The following IL1RAPL1 variants were observed in gnomAD, a reference collection of about 807,000 sequenced individuals.
The protein encoded by IL1RAPL1 is interleukin-1 receptor accessory protein-like 1.
A neutral mutation model predicts 48.4 loss-of-function variants in IL1RAPL1; 3 were observed. That is an observed-to-expected ratio of 0.06 (90% confidence interval 0.03 to 0.16). IL1RAPL1 has a LOEUF of 0.16. Among genes scored for constraint, IL1RAPL1 ranks in the 10% least tolerant of loss-of-function variants. IL1RAPL1 has a pLI of 1.00. For missense variants in IL1RAPL1, 349 were observed against 530.6 expected (o/e 0.66, Z 3.36); for synonymous variants, 185 against 187.7 (o/e 0.99, Z 0.12).
At chrX:28,784,509 T>G (rs1286226000) in intron 1 of IL1RAPL1, among the ~76,000 whole-genome samples, 1 of 111,561 alleles carries the variant, frequency 9.0e-6, no homozygotes, top group East Asian at 2.8e-4. Flanking sequence ...TATTTAAGGC[T>G]TATGAAACTT....
At chrX:29,046,005 C>T (rs1360397036) in intron 2 of IL1RAPL1, among the ~76,000 whole-genome samples, 4 of 84,781 alleles carry the variant, frequency 4.7e-5, no homozygotes, top group Non-Finnish European at 8.6e-5. Flanking sequence ...CCTTCTTCTT[C>T]TTGCTTCTTT....
intron 2 of IL1RAPL1, among the ~76,000 whole-genome samples, chrX:29,122,550 G>A (rs1351633564): frequency 9.5e-6 from 1 of 105,621 alleles, no homozygotes; most frequent in Non-Finnish European, 1.9e-5. Context: ...AGCCTAAAGG[G>A]AAACATTTGT....
intron 6 of IL1RAPL1, among the ~76,000 whole-genome samples, chrX:29,867,357 G>A (rs947159917): frequency 9.0e-6 from 1 of 111,292 alleles, no homozygotes; most frequent in African/African-American, 3.3e-5. Flanking sequence ...ATTAAGAAAC[G>A]GGGCCTTTTG....
intron 5 of IL1RAPL1, among the ~76,000 whole-genome samples, chrX:29,667,523 T>C (rs761982177): frequency 8.9e-6 from 1 of 111,959 alleles, no homozygotes; most frequent in Admixed American, 9.5e-5. Flanking sequence ...AGAGTAGAAA[T>C]TTCGGTGACA....
At chrX:29,772,473 G>A (rs1364896793) in intron 6 of IL1RAPL1, among the ~76,000 whole-genome samples, 1 of 110,799 alleles carries the variant, frequency 9.0e-6, no homozygotes, top group African/African-American at 3.3e-5. Context: ...TGTGTGCGTG[G>A]CAAGATTTGC....
chrX:29,303,885 C>T (rs7063381), intron 3 of IL1RAPL1, among the ~76,000 whole-genome samples: 14,829 of 111,476 alleles, frequency 0.13, 1,164 homozygotes, highest in East Asian at 0.27. Flanking sequence ...AAAAAAGCTG[C>T]CTTTGTTAAA....
intron 6 of IL1RAPL1, among the ~76,000 whole-genome samples, chrX:29,760,772 A>G (rs1928733947): frequency 9.0e-6 from 1 of 111,499 alleles, no homozygotes; most frequent in Non-Finnish European, 1.9e-5. Flanking sequence ...TTCCTGCTAC[A>G]CTTGTCTTAA....
chrX:29,728,892 T>C (rs1190098101), intron 6 of IL1RAPL1, among the ~76,000 whole-genome samples: 1 of 111,593 alleles, frequency 9.0e-6, no homozygotes, highest in Non-Finnish European at 1.9e-5. Flanking sequence ...CTGGAATACC[T>C]TGAGGCTGGT....
rs752527354 is a variant in IL1RAPL1 at position 29,745,431 on chromosome X, GTTTTTTTTTT to G, written c.778+76947_778+76956del. Among the ~76,000 whole-genome samples the G allele has an allele frequency of 3.8e-3, 95 of 24,740 alleles. 1 individual carries two copies. Among genetic ancestry groups the G allele is most frequent in the African/African-American group, 0.016 (90 of 5,574 alleles). 21.5% of individuals were successfully genotyped at this position (24,740 alleles called of 115,157 possible). A position where few individuals can be genotyped will look rare whatever the true frequency, so the allele number is the denominator to read the frequency against. ...TCTCTTTATTCCTTAAGTTTTTTGT[GTTTTTTTTTT>G]TTTTTTTTTTTTTTTTTTTGGTGAG... is the stretch of plus-strand genomic sequence containing the variant. On this transcript the variant is annotated intron_variant, in intron 6 of 10. Transcript: ENST00000378993.
At chrX:28,957,112 C>G (rs890881568) in intron 2 of IL1RAPL1, among the ~76,000 whole-genome samples, 7 of 110,475 alleles carry the variant, frequency 6.3e-5, no homozygotes, top group Non-Finnish European at 1.1e-4. Context: ...GGTGATATCC[C>G]CTTTATCATT....
chrX:29,218,634 G>T (rs948120823), intron 2 of IL1RAPL1, among the ~76,000 whole-genome samples: 7 of 111,626 alleles, frequency 6.3e-5, no homozygotes, highest in African/African-American at 2.3e-4. Flanking sequence ...CTGATGACAA[G>T]AAGTTTCATT....
intron 2 of IL1RAPL1, among the ~76,000 whole-genome samples, chrX:29,121,410 C>T (rs1198183362): frequency 8.9e-6 from 1 of 112,091 alleles, no homozygotes; most frequent in Admixed American, 9.5e-5. Context: ...GTAACACTAT[C>T]TTAAGTTGAG....
chrX:28,589,136 A>G (rs1601826618), intron 1 of IL1RAPL1, among the ~76,000 whole-genome samples: 1 of 111,810 alleles, frequency 8.9e-6, no homozygotes, highest in Non-Finnish European at 1.9e-5. Flanking sequence ...CTGTGATGAG[A>G]GAGTGGAGCA....
intron 2 of IL1RAPL1, among the ~76,000 whole-genome samples, chrX:28,836,213 A>G (rs1921202701): frequency 9.1e-6 from 1 of 109,335 alleles, no homozygotes; most frequent in East Asian, 2.9e-4. Context: ...AAATAATTCA[A>G]CTGAATGTAG....
chrX:29,368,266 T>A (rs999346619), intron 3 of IL1RAPL1, among the ~76,000 whole-genome samples: 10 of 112,614 alleles, frequency 8.9e-5, no homozygotes, highest in Admixed American at 3.8e-4. Context: ...GCTATTTTTT[T>A]ATATATTTTA....
intron 3 of IL1RAPL1, among the ~76,000 whole-genome samples, chrX:29,395,755 A>G (rs1461131287): frequency 8.9e-6 from 1 of 111,829 alleles, no homozygotes; most frequent in Non-Finnish European, 1.9e-5. Context: ...TAGCAAGACA[A>G]CCAATAGTGT....
chrX:28,873,106 C>CTTTT (rs764591682), intron 2 of IL1RAPL1, among the ~76,000 whole-genome samples: 1 of 64,969 alleles, frequency 1.5e-5, no homozygotes, highest in South Asian at 8.2e-4. Flanking sequence ...TTTTTTTTCA[C>CTTTT]TTTTTTTTTT....
chrX:29,452,047 A>G (rs1934686086), intron 5 of IL1RAPL1, among the ~76,000 whole-genome samples: 2 of 111,875 alleles, frequency 1.8e-5, no homozygotes, highest in African/African-American at 6.5e-5. Context: ...ATAACAAAAT[A>G]AGAAACGTCA....
intron 6 of IL1RAPL1, among the ~76,000 whole-genome samples, chrX:29,904,845 A>ATCTT (rs1389099636): frequency 2.7e-5 from 3 of 111,955 alleles, no homozygotes; most frequent in African/African-American, 9.7e-5. Flanking sequence ...GTGTGCATGC[A>ATCTT]TCTTTATAGT....
Sources: allele counts gnomAD v4.1 joint callset (sites outside exome capture counted in the v4.1 genomes callset), GRCh38; gene constraint gnomAD v4.1.1; transcripts MANE v1.5; gene names NCBI Gene and HGNC (gene_info 2026-07-23, HGNC 2026-07-21).